Variants in RPN2 observed in about 807,000 individuals in gnomAD.
RPN2 encodes dolichyl-diphosphooligosaccharide--protein glycosyltransferase subunit 2.
In RPN2, 29 loss-of-function variants were observed where a neutral mutation model predicts 71.4. That is an observed-to-expected ratio of 0.41 (90% CI 0.30 to 0.55). The LOEUF (loss-of-function observed/expected upper bound fraction) is 0.55. Ranked by LOEUF, RPN2 falls within the 20% of genes least tolerant of loss-of-function variation. The probability of loss-of-function intolerance (pLI) is 0.35; values close to 1 mark genes in which losing one functional copy is unlikely to be tolerated. For missense variants in RPN2, 726 were observed against 774.1 expected, an observed-to-expected ratio of 0.94 and a Z score of 0.74; for synonymous variants, 308 against 305.0, an observed-to-expected ratio of 1.01 and a Z score of -0.10.
chr20:37,229,737 G>A (rs780741820), intron 12 of RPN2: 18 of 571,222 alleles, frequency 3.2e-5, no homozygotes, highest in African/African-American at 5.6e-5. Context: ...GCTCTATGGG[G>A]CTACTATACC....
intron 1 of RPN2, 21 bp from the exon 2 acceptor site, chr20:37,184,159 G>C (rs1191800830): frequency 6.2e-7 from 1 of 1,613,998 alleles, no homozygotes; most frequent in Admixed American, 1.7e-5. Context: ...AGAGTGTACT[G>C]AATGGTTGTT....
chr20:37,189,012 C>T (rs145024607), intron 2 of RPN2, among the ~76,000 whole-genome samples: 4 of 152,120 alleles, frequency 2.6e-5, no homozygotes, highest in South Asian at 4.2e-4. Context: ...TAGCTCACTG[C>T]AACCTCCGCC....
intron 9 of RPN2, 66 bp from the exon 10 acceptor site, chr20:37,223,812 A>G (rs779173283): frequency 2.5e-4 from 336 of 1,318,164 alleles, no homozygotes; most frequent in Non-Finnish European, 3.6e-4. Flanking sequence ...AAAACTTTAT[A>G]TCTGCATGTG....
chr20:37,210,099 T>C lies in RPN2; in HGVS notation c.920T>C (p.Leu307Pro). Residue 307 changes from leucine to proline, a missense_variant, in exon 8 of 17, where the codon CTA becomes CCA. Coordinates refer to ENST00000237530, the MANE Select transcript of RPN2 (RefSeq NM_002951.5). Reference sequence around the variant, plus strand: ...CCTCTGACTCAGGCCACTGTTAAACTAGAACATGCTAAATCTGTTGCTTCC... The same window carrying C: ...CCTCTGACTCAGGCCACTGTTAAACCAGAACATGCTAAATCTGTTGCTTCC... ...SQPLTQATVK[L>P]EHAKSVASRA... 2 of 1,614,184 alleles carry C rather than the reference T, an allele frequency of 1.2e-6. No individual in the cohort carries two copies. The highest frequency in any genetic ancestry group is 1.7e-6 in the Non-Finnish European group (2 of 1,180,022).
In RPN2 at chr20:37,206,285, G is replaced by A. The variant is rs76710137; in HGVS notation, c.691-988G>A. On this transcript the variant is annotated intron_variant, in intron 6 of 16. Coordinates refer to ENST00000237530, the MANE Select transcript of RPN2 (RefSeq NM_002951.5). The stretch of plus-strand genomic sequence containing the variant: ...AGAGTTATTTTAGTTTCTTTTTAAT[G>A]TACATTTTAGCTATAAAGTTTGGTC... 6.3e-3 allele frequency among the ~76,000 whole-genome samples: 965 copies of A among 152,196 alleles called. 12 individuals are homozygous for A. The highest frequency in any genetic ancestry group is 0.023 in the African/African-American group (935 of 41,516).
At chr20:37,211,793 A>G (rs1290855930) in intron 8 of RPN2, among the ~76,000 whole-genome samples, 3 of 150,942 alleles carry the variant, frequency 2.0e-5, no homozygotes, top group Non-Finnish European at 4.4e-5. Context: ...AGTGCAGTGT[A>G]GTGGCGTGAT....
rs150024301 is a variant in RPN2, at chr20:37,232,367, G to A, written c.1653G>A (p.Ser551=). Residue 551 remains serine (S), a synonymous_variant, in exon 14 of 17, where the codon TCG becomes TCA. Coordinates refer to ENST00000237530, the MANE Select transcript of RPN2 (RefSeq NM_002951.5). ...ATACATTCACTGCCCTGATCCTCTC[G>A]CCGTTGCTTCTGCTCTTCGCTCTGG... The part of the protein sequence containing the change: ...VSNTFTALIL[S]PLLLLFALWI... 409 of 1,614,038 alleles carry A rather than the reference G, an allele frequency of 2.5e-4. No homozygotes were observed. Among genetic ancestry groups the A allele is most frequent in the Non-Finnish European group, 3.0e-4 (353 of 1,180,036 alleles).
chr20:37,226,628 C>T (rs1392663763), intron 11 of RPN2, among the ~76,000 whole-genome samples: 1 of 152,158 alleles, frequency 6.6e-6, no homozygotes, highest in Non-Finnish European at 1.5e-5. Flanking sequence ...ATTTGTGGGA[C>T]TCTGAAGAAT....
chr20:37,230,095 GAA>G, intron 13 of RPN2, 36 bp downstream of exon 13: 1 of 1,499,282 alleles, frequency 6.7e-7, no homozygotes. Flanking sequence ...AAACGTGGGA[GAA>G]GAGAGGGCAA....
chr20:37,191,684 C>G (rs1568964782), intron 2 of RPN2, among the ~76,000 whole-genome samples: 1 of 151,306 alleles, frequency 6.6e-6, no homozygotes, highest in Non-Finnish European at 1.5e-5. Flanking sequence ...GACTCTGTCT[C>G]AAAAGAAAGA....
chr20:37,201,386 G>C (rs2067387505), intron 4 of RPN2, among the ~76,000 whole-genome samples: 1 of 150,224 alleles, frequency 6.7e-6, no homozygotes, highest in Admixed American at 6.7e-5. Flanking sequence ...TTGGGCGTGA[G>C]CGATTCTCCC....
At chr20:37,210,988 G>T (rs1356567303) in intron 8 of RPN2, among the ~76,000 whole-genome samples, 1 of 151,924 alleles carries the variant, frequency 6.6e-6, no homozygotes, top group East Asian at 2.0e-4. Flanking sequence ...AGGAGTTTGA[G>T]ACCAGCCTGG....
At chr20:37,231,841 G>T (rs1248706323) in intron 13 of RPN2, among the ~76,000 whole-genome samples, 3 of 152,154 alleles carry the variant, frequency 2.0e-5, no homozygotes, top group African/African-American at 7.2e-5. Context: ...TTTTAAAAAG[G>T]TATAGTGTTA....
chr20:37,227,807 A>T (rs1250379273), intron 11 of RPN2, among the ~76,000 whole-genome samples: 1 of 152,248 alleles, frequency 6.6e-6, no homozygotes, highest in Non-Finnish European at 1.5e-5. Context: ...TAGTGGGGAT[A>T]AAGTGATTAG....
intron 8 of RPN2, among the ~76,000 whole-genome samples, chr20:37,212,768 A>C (rs975473832): frequency 5.3e-5 from 8 of 152,190 alleles, no homozygotes; most frequent in Admixed American, 5.2e-4. Context: ...GGTGTGAGCC[A>C]CTGGCCTTAT....
At chr20:37,219,328 A>T (rs1380220688) in intron 9 of RPN2, among the ~76,000 whole-genome samples, 1 of 152,172 alleles carries the variant, frequency 6.6e-6, no homozygotes, top group East Asian at 1.9e-4. Context: ...TCTTTAGAAG[A>T]ATGTCTATTC....
intron 16 of RPN2, 117 bp downstream of exon 16, chr20:37,236,826 C>A: frequency 2.0e-6 from 2 of 1,014,848 alleles, no homozygotes; most frequent in Non-Finnish European, 3.0e-6. Context: ...GCAAGTCTGA[C>A]ACCCTAATCT....
chr20:37,183,965 T>C (rs1300546477), intron 1 of RPN2, among the ~76,000 whole-genome samples: 1 of 152,160 alleles, frequency 6.6e-6, no homozygotes, highest in African/African-American at 2.4e-5. Flanking sequence ...AGGCCTGTGC[T>C]TTAGATGCTT....
chr20:37,184,821 A>G (rs1261586933), intron 2 of RPN2, among the ~76,000 whole-genome samples: 3 of 152,058 alleles, frequency 2.0e-5, no homozygotes, highest in African/African-American at 7.2e-5. Flanking sequence ...AGTTTGACAG[A>G]TCTGTTTTTG....
Sources: allele counts gnomAD v4.1 joint callset (sites outside exome capture counted in the v4.1 genomes callset), GRCh38; gene constraint gnomAD v4.1.1; transcripts MANE v1.5; gene names NCBI Gene and HGNC (gene_info 2026-07-23, HGNC 2026-07-21).